The following TBC1D1 variants were observed in gnomAD, a reference collection of about 807,000 sequenced individuals.
The protein encoded by TBC1D1 is TBC1 domain family member 1.
TBC1D1 carries 89 observed loss-of-function variants against 125.6 expected under a neutral mutation model. That is an observed-to-expected ratio of 0.71 (90% CI 0.60 to 0.85). The LOEUF (loss-of-function observed/expected upper bound fraction) is 0.85, where lower values mean the gene tolerates loss of function less well. Among genes scored for constraint, TBC1D1 ranks in the 40% least tolerant of loss-of-function variants. TBC1D1 has a pLI of 0.00. For synonymous variants in TBC1D1, 565 were observed against 564.1 expected (o/e 1.00, Z -0.02); for missense variants, 1,377 against 1,469.2 (o/e 0.94, Z 1.03).
At chr4:37,943,786 C>T (rs1726076406) in intron 2 of TBC1D1, among the ~76,000 whole-genome samples, 1 of 152,134 alleles carries the variant, frequency 6.6e-6, no homozygotes, top group African/African-American at 2.4e-5. Flanking sequence ...TCAAACTTCC[C>T]CCTTTAGCTG....
intron 17 of TBC1D1, among the ~76,000 whole-genome samples, chr4:38,119,423 AAAAAT>A (rs1763501046): frequency 6.6e-6 from 1 of 152,126 alleles, no homozygotes; most frequent in South Asian, 2.1e-4. Context: ...CTGTCCCTGA[AAAAAT>A]AAAATCACTA....
At chr4:37,997,222 T>C (rs1737996632) in intron 2 of TBC1D1, among the ~76,000 whole-genome samples, 1 of 152,254 alleles carries the variant, frequency 6.6e-6, no homozygotes, top group South Asian at 2.1e-4. Context: ...ACAATTTTAA[T>C]TTAAGCTACA....
chr4:38,117,927 A>G, intron 16 of TBC1D1, 106 bp from the exon 19 acceptor site: 1 of 1,017,654 alleles, frequency 9.8e-7, no homozygotes, highest in South Asian at 1.5e-5. Flanking sequence ...TCGAATGTTT[A>G]AAGTTCTAGT....
At chr4:37,944,056 C>T (rs190517068) in intron 2 of TBC1D1, among the ~76,000 whole-genome samples, 2 of 152,336 alleles carry the variant, frequency 1.3e-5, no homozygotes, top group African/African-American at 2.4e-5. Flanking sequence ...TTCTAACAGT[C>T]AGGACCCTCA....
At chr4:37,968,730 T>C (rs1197983611) in intron 2 of TBC1D1, among the ~76,000 whole-genome samples, 1 of 152,182 alleles carries the variant, frequency 6.6e-6, no homozygotes, top group Non-Finnish European at 1.5e-5. Context: ...TCCGGCATGA[T>C]TTAAAATGTG....
intron 2 of TBC1D1, among the ~76,000 whole-genome samples, chr4:37,985,203 T>G (rs1420376438): frequency 6.6e-6 from 1 of 152,210 alleles, no homozygotes; most frequent in East Asian, 1.9e-4. Context: ...TCCGCCTGCC[T>G]CAGCCTCCCA....
intron 12 of TBC1D1, among the ~76,000 whole-genome samples, chr4:38,069,539 C>T (rs138358732): frequency 5.2e-4 from 79 of 152,316 alleles, no homozygotes; most frequent in Non-Finnish European, 1.1e-3. Flanking sequence ...AAGGCTGTCT[C>T]TCTGGATCTC....
At chr4:37,932,614 A>G (rs1723494220) in intron 2 of TBC1D1, among the ~76,000 whole-genome samples, 1 of 152,216 alleles carries the variant, frequency 6.6e-6, no homozygotes, top group African/African-American at 2.4e-5. Flanking sequence ...TAAGGCATCA[A>G]GTCAAATTCC....
At chr4:38,031,096 A>G (rs1365517669) in intron 7 of TBC1D1, among the ~76,000 whole-genome samples, 1 of 152,232 alleles carries the variant, frequency 6.6e-6, no homozygotes, top group Admixed American at 6.5e-5. Context: ...ATGTGTTAGG[A>G]TGACCCCATG....
At chr4:37,962,508 C>T (rs1730250213) in intron 2 of TBC1D1, among the ~76,000 whole-genome samples, 1 of 152,182 alleles carries the variant, frequency 6.6e-6, no homozygotes, top group Non-Finnish European at 1.5e-5. Context: ...TTGATAGAGA[C>T]ACTAAACGTT....
chr4:37,919,730 A>C (rs957048439), intron 2 of TBC1D1, among the ~76,000 whole-genome samples: 1 of 152,196 alleles, frequency 6.6e-6, no homozygotes, highest in Non-Finnish European at 1.5e-5. Flanking sequence ...CTGTGCTGAT[A>C]GTTAAAAGTA....
At chr4:37,986,589 G>A (rs1735511817) in intron 2 of TBC1D1, among the ~76,000 whole-genome samples, 1 of 152,114 alleles carries the variant, frequency 6.6e-6, no homozygotes, top group Admixed American at 6.5e-5. Flanking sequence ...GGGACTACAG[G>A]TGCCCGCCAC....
chr4:37,986,302 A>G (rs1425320912), intron 2 of TBC1D1, among the ~76,000 whole-genome samples: 1 of 152,224 alleles, frequency 6.6e-6, no homozygotes, highest in Non-Finnish European at 1.5e-5. Context: ...GGCAGAACTT[A>G]AAAAGTTCTT....
At position 38,039,104 on chromosome 4, in the gene TBC1D1, C is replaced by CTTTTTTTTTTT. The variant is rs776941680; in HGVS notation, c.1413+3427_1413+3437dup. ...AATTTCTTATAAATGGCATCATACT[C>CTTTTTTTTTTT]TTTTTTTTTTTTTTTTTTTTTTTTT... On this transcript the variant is annotated intron_variant, in intron 8 of 19. Transcript: ENST00000261439. 1.9e-3 allele frequency among the ~76,000 whole-genome samples: 100 copies of CTTTTTTTTTTT among 51,580 alleles called. 29 individuals are homozygous for CTTTTTTTTTTT. Among genetic ancestry groups the CTTTTTTTTTTT allele is most frequent in the Non-Finnish European group, 2.2e-3 (57 of 26,282 alleles). 33.8% of individuals were successfully genotyped at this position (51,580 alleles called of 152,430 possible). A position where few individuals can be genotyped will look rare whatever the true frequency, so the allele number is the denominator to read the frequency against.
At chr4:37,928,644 C>T (rs373153415) in intron 2 of TBC1D1, among the ~76,000 whole-genome samples, 11 of 152,204 alleles carry the variant, frequency 7.2e-5, no homozygotes, top group African/African-American at 2.7e-4. Context: ...GATTTTGCAG[C>T]TTGTCTGCAC....
chr4:38,052,392 C>T (rs1339864434), intron 11 of TBC1D1, among the ~76,000 whole-genome samples: 5 of 150,072 alleles, frequency 3.3e-5, no homozygotes, highest in African/African-American at 1.2e-4. Flanking sequence ...AGTGCAGTGG[C>T]GTGATCTCGG....
chr4:37,991,645 T>A (rs1056024711), intron 2 of TBC1D1, among the ~76,000 whole-genome samples: 22 of 151,826 alleles, frequency 1.4e-4, no homozygotes, highest in African/African-American at 3.9e-4. Flanking sequence ...TTTTTTTTTT[T>A]AAATTTAGTG....
At chr4:37,982,502 C>T (rs1428106941) in intron 2 of TBC1D1, among the ~76,000 whole-genome samples, 1 of 152,168 alleles carries the variant, frequency 6.6e-6, no homozygotes, top group African/African-American at 2.4e-5. Context: ...GCTGGTATAA[C>T]CCTGACCAGG....
intron 2 of TBC1D1, among the ~76,000 whole-genome samples, chr4:37,948,864 C>G (rs1426877591): frequency 1.3e-5 from 2 of 152,136 alleles, no homozygotes; most frequent in Non-Finnish European, 2.9e-5. Flanking sequence ...TGAATAGAAT[C>G]ATGTAATATG....
Sources: allele counts gnomAD v4.1 joint callset (sites outside exome capture counted in the v4.1 genomes callset), GRCh38; gene constraint gnomAD v4.1.1; transcripts MANE v1.5; gene names NCBI Gene and HGNC (gene_info 2026-07-23, HGNC 2026-07-21).